Variants in NT5DC1 observed in about 807,000 individuals in gnomAD.
NT5DC1 encodes the protein 5'-nucleotidase domain containing 1, also known as 5'-nucleotidase domain-containing protein 1.
A neutral mutation model predicts 59.4 loss-of-function variants in NT5DC1; 42 were observed. The observed-to-expected ratio is 0.71, with a 90% CI of 0.55 to 0.92. NT5DC1 has a LOEUF of 0.92. Among genes scored for constraint, NT5DC1 ranks in the 40% least tolerant of loss-of-function variants. The pLI is 0.00. For synonymous variants in NT5DC1, 172 were observed against 188.1 expected, an observed-to-expected ratio of 0.91 and a Z score of 0.70; for missense variants, 501 against 537.1, an observed-to-expected ratio of 0.93 and a Z score of 0.66.
intron 11 of NT5DC1, among the ~76,000 whole-genome samples, chr6:116,243,361 T>C (rs1346563037): frequency 6.6e-6 from 1 of 152,186 alleles, no homozygotes; most frequent in Non-Finnish European, 1.5e-5. Context: ...GTGCAGAGTA[T>C]TAAAATTAAA....
intron 6 of NT5DC1, among the ~76,000 whole-genome samples, chr6:116,139,216 C>T (rs746503041): frequency 1.3e-5 from 2 of 152,088 alleles, no homozygotes; most frequent in Non-Finnish European, 2.9e-5. Flanking sequence ...CTGACCTTAT[C>T]AAAGTGTGGA....
Position 116,217,145 on chromosome 6 carries a change from G to GA in NT5DC1, c.530-3902dup, listed in dbSNP as rs565519426. Among the ~76,000 whole-genome samples, 11 of 152,132 alleles carry GA rather than the reference G, an allele frequency of 7.2e-5. No homozygotes were observed. The East Asian group carries it at 7.7e-4, about 11-fold the overall frequency. ...ATGTGGCACAATTGTCTGTTAAACT[G>GA]AAAAAAACTGTTTTTAATATTCAGG... On this transcript the variant is annotated intron_variant, in intron 6 of 11. Transcript: ENST00000319550.
intron 10 of NT5DC1, among the ~76,000 whole-genome samples, 161 bp downstream of exon 10, chr6:116,238,509 A>G (rs1461907489): frequency 2.0e-5 from 3 of 150,954 alleles, no homozygotes; most frequent in Non-Finnish European, 2.9e-5. Context: ...GAAACTTTGT[A>G]TTAATTTTAT....
chr6:116,202,923 A>G (rs943377108), intron 6 of NT5DC1, among the ~76,000 whole-genome samples: 2 of 152,000 alleles, frequency 1.3e-5, no homozygotes, highest in Admixed American at 6.6e-5. Context: ...ACTAGGGGTA[A>G]TGTAGTAATG....
At chr6:116,219,961 C>CAAAAA (rs1170500016) in intron 6 of NT5DC1, among the ~76,000 whole-genome samples, 4 of 36,248 alleles carry the variant, frequency 1.1e-4, no homozygotes, top group East Asian at 9.1e-4. Flanking sequence ...GACTCTGTCT[C>CAAAAA]AAAAAAAAAA....
intron 6 of NT5DC1, chr6:116,121,883 C>A: frequency 6.2e-7 from 1 of 1,613,944 alleles, no homozygotes; most frequent in South Asian, 1.1e-5. Flanking sequence ...TCCTGGTGGT[C>A]CAGAAGGACC....
At chr6:116,192,517 GTTTCTGTTAAGT>G (rs1183864889) in intron 6 of NT5DC1, among the ~76,000 whole-genome samples, 1 of 151,894 alleles carries the variant, frequency 6.6e-6, no homozygotes, top group Admixed American at 6.6e-5. Context: ...TGGATTCTGT[GTTTCTGTTAAGT>G]AGGTATTGTT....
rs145006599 is a variant in NT5DC1 at position 116,229,063 on chromosome 6, G to A, written c.802+5932G>A. ...CCCAGGGTGGCAGGAAAGTTGATGT[G>A]CTTGCAACAGCTCATTAAATCCCCA... On this transcript the variant is annotated intron_variant, in intron 8 of 11. Coordinates refer to ENST00000319550, the MANE Select transcript of NT5DC1 (RefSeq NM_152729.3). Among the ~76,000 whole-genome samples the A allele has an allele frequency of 1.8e-4, 28 of 152,264 alleles. No homozygotes were observed. In the East Asian group the frequency reaches 5.2e-3, roughly 28 times the overall value.
At chr6:116,125,391 T>C in intron 6 of NT5DC1, 8 of 1,613,896 alleles carry the variant, frequency 5.0e-6, no homozygotes, top group Non-Finnish European at 5.9e-6. Flanking sequence ...TGTTGGGTAG[T>C]GGGCCTTTTA....
intron 6 of NT5DC1, among the ~76,000 whole-genome samples, chr6:116,144,237 C>T (rs1779837935): frequency 6.6e-6 from 1 of 152,142 alleles, no homozygotes; most frequent in Non-Finnish European, 1.5e-5. Flanking sequence ...GGCACAGTGG[C>T]TCACGCCTGT....
rs186331196 is a variant in NT5DC1 at position 116,104,009 on chromosome 6, G to A, written c.94-2235G>A. Among the ~76,000 whole-genome samples, 159 of 152,296 alleles carry A rather than the reference G, an allele frequency of 1.0e-3. 1 individual carries two copies. The highest frequency in any genetic ancestry group is 1.9e-3 in the Non-Finnish European group (130 of 68,024). ...ATTTGTAGGCTGCATATGGACCACA[G>A]GGTACCAATTGGCAACTGCAGTAGA... On this transcript the variant is annotated intron_variant, in intron 1 of 11. Transcript: ENST00000319550.
chr6:116,198,477 A>C (rs1204841), intron 6 of NT5DC1, among the ~76,000 whole-genome samples: 64,527 of 151,798 alleles, frequency 0.43, 17,644 homozygotes, highest in African/African-American at 0.78. Context: ...TGCTTATAAT[A>C]CCAGCAGTTT....
intron 6 of NT5DC1, among the ~76,000 whole-genome samples, chr6:116,194,625 G>A (rs1781187053): frequency 6.6e-6 from 1 of 151,974 alleles, no homozygotes; most frequent in Admixed American, 6.6e-5. Flanking sequence ...AATAATAAAG[G>A]ATAATGTGAA....
intron 6 of NT5DC1, among the ~76,000 whole-genome samples, chr6:116,165,810 G>A (rs1780449726): frequency 6.6e-6 from 1 of 152,224 alleles, no homozygotes; most frequent in African/African-American, 2.4e-5. Context: ...GGTCCCCTGT[G>A]GTTGTCAAGT....
chr6:116,229,034 C>T (rs1026459614), intron 8 of NT5DC1, among the ~76,000 whole-genome samples: 1 of 152,206 alleles, frequency 6.6e-6, no homozygotes, highest in African/African-American at 2.4e-5. Context: ...TCACATCCCA[C>T]AGCCCCAGGG....
At chr6:116,231,277 A>C (rs1337596224) in intron 8 of NT5DC1, among the ~76,000 whole-genome samples, 1 of 151,960 alleles carries the variant, frequency 6.6e-6, no homozygotes, top group Admixed American at 6.6e-5. Context: ...TTACCTGTCC[A>C]TGCCAAGAAA....
chr6:116,120,506 G>T lies in NT5DC1; in HGVS notation c.529+2561G>T, dbSNP rs748029181. On this transcript the variant is annotated intron_variant, in intron 6 of 11. Coordinates refer to ENST00000319550, the MANE Select transcript of NT5DC1 (RefSeq NM_152729.3). Reference sequence around the variant, plus strand: ...CCCCTGGTTGGCACTAACAAGAGGGGTCCCAGAAAGACTGGGCCTTTGGCC... The same window carrying T: ...CCCCTGGTTGGCACTAACAAGAGGGTTCCCAGAAAGACTGGGCCTTTGGCC... 22 of 1,614,090 alleles carry T rather than the reference G, an allele frequency of 1.4e-5. No individual in the cohort carries two copies. The Admixed American group carries it at 3.7e-4, about 27-fold the overall frequency.
At chr6:116,226,953 C>T (rs1682968689) in intron 8 of NT5DC1, among the ~76,000 whole-genome samples, 1 of 151,852 alleles carries the variant, frequency 6.6e-6, no homozygotes, top group Admixed American at 6.6e-5. Context: ...ATAGGTATTA[C>T]CTCACATTAT....
intron 6 of NT5DC1, among the ~76,000 whole-genome samples, chr6:116,130,478 G>A (rs1281476816): frequency 6.6e-6 from 1 of 151,112 alleles, no homozygotes; most frequent in Admixed American, 6.6e-5. Flanking sequence ...TCCTTCTAAT[G>A]TTTTGTACCT....
Sources: gnomAD v4.1 joint callset for allele counts (sites outside exome capture counted in the v4.1 genomes callset) on GRCh38, gnomAD v4.1.1 for gene constraint, MANE v1.5 for transcripts, NCBI Gene and HGNC (gene_info 2026-07-23, HGNC 2026-07-21) for gene names.